Variants in TEX10 observed in about 807,000 individuals in gnomAD.
TEX10 encodes testis-expressed protein 10.
A neutral mutation model predicts 104.4 loss-of-function variants in TEX10; 24 were observed. The ratio of observed to expected loss-of-function variants is 0.23; its 90% confidence interval spans 0.17 to 0.32. TEX10 has a LOEUF of 0.32. TEX10 is among the 10% of genes least tolerant of loss of function. The pLI is 1.00. For synonymous variants in TEX10, 396 were observed against 393.4 expected (o/e 1.01, Z -0.08); for missense variants, 921 against 1,083.9 (o/e 0.85, Z 2.11).
chr9:100,308,460 A>G, intron 13 of TEX10, 40 bp downstream of exon 13: 1 of 1,521,716 alleles, frequency 6.6e-7, no homozygotes, highest in Non-Finnish European at 8.8e-7. Context: ...GGGAGGAGGA[A>G]CAGTAGGAAA....
rs569556958 is a variant in TEX10, at chr9:100,352,552, G to C, written c.-10+220C>G. On this transcript the variant is annotated intron_variant, in intron 1 of 14. Transcript: ENST00000374902. ...ACCCGAAACCAGGCGAACCCGCCCA[G>C]TCACCTGAAGCTCCGCAAACGCCCT... is the stretch of plus-strand genomic sequence containing the variant. The C allele has an allele frequency of 2.1e-4, 330 of 1,544,050 alleles. 4 individuals carry two copies. The South Asian group carries it at 3.8e-3, about 18-fold the overall frequency.
intron 5 of TEX10, among the ~76,000 whole-genome samples, chr9:100,333,655 AAC>A (rs1491587017): frequency 2.3e-4 from 32 of 139,424 alleles, no homozygotes; most frequent in African/African-American, 7.8e-4. Context: ...AAAAAAAAAA[AAC>A]CACAACAAAA....
chr9:100,351,400 C>A (rs1564224756), intron 1 of TEX10, among the ~76,000 whole-genome samples: 2 of 77,808 alleles, frequency 2.6e-5, no homozygotes, highest in African/African-American at 9.2e-5. Context: ...AGCTGGGGGT[C>A]GGTGGGTGGG....
chr9:100,334,277 A>AT (rs1313854373), intron 5 of TEX10, among the ~76,000 whole-genome samples: 1 of 152,158 alleles, frequency 6.6e-6, no homozygotes, highest in Non-Finnish European at 1.5e-5. Flanking sequence ...AAAAACACAG[A>AT]TAACTCTTAA....
In TEX10 at chr9:100,302,294, C is replaced by CTCT; in HGVS notation, c.2684_2686dup (p.Lys895dup). On this transcript the variant is annotated inframe_insertion, in exon 15 of 15. Coordinates refer to ENST00000374902, the MANE Select transcript of TEX10 (RefSeq NM_017746.4). ...GAGCCACTGTTCCTGAACACTTCCA[C>CTCT]TCTTCAATGTCTGGAGAGAAAAACA... is the stretch of plus-strand genomic sequence containing the variant. 1 of 1,611,770 alleles carries CTCT rather than the reference C, an allele frequency of 6.2e-7. No individual in the cohort carries two copies. Among genetic ancestry groups the CTCT allele is most frequent in the East Asian group, 2.2e-5 (1 of 44,836 alleles).
chr9:100,315,270 G>A (rs183376342), intron 11 of TEX10, among the ~76,000 whole-genome samples: 14 of 152,160 alleles, frequency 9.2e-5, no homozygotes, highest in Admixed American at 9.2e-4. Flanking sequence ...TGTCTGTAAG[G>A]TCCACTTAGT....
At chr9:100,314,097 T>C (rs1834352107) in intron 11 of TEX10, among the ~76,000 whole-genome samples, 1 of 150,598 alleles carries the variant, frequency 6.6e-6, no homozygotes, top group Non-Finnish European at 1.5e-5. Flanking sequence ...TTCTTTTTTT[T>C]TTTTTTTTGA....
At chr9:100,310,403 T>G (rs1014409912) in intron 11 of TEX10, 24 bp from the exon 12 acceptor site, 2 of 1,590,148 alleles carry the variant, frequency 1.3e-6, no homozygotes, top group African/African-American at 2.7e-5. Flanking sequence ...AGAAAACCAC[T>G]AACCAAATCA....
intron 5 of TEX10, among the ~76,000 whole-genome samples, chr9:100,337,374 T>A (rs1406568134): frequency 6.6e-6 from 1 of 152,218 alleles, no homozygotes; most frequent in African/African-American, 2.4e-5. Flanking sequence ...AACCACAATT[T>A]AATCACATTT....
chr9:100,318,515 T>C (rs1243483730), intron 11 of TEX10, among the ~76,000 whole-genome samples: 2 of 152,192 alleles, frequency 1.3e-5, no homozygotes, highest in Non-Finnish European at 2.9e-5. Flanking sequence ...ATGGGTACAG[T>C]GTACATTGTT....
At chr9:100,333,690 G>A (rs948966063) in intron 5 of TEX10, among the ~76,000 whole-genome samples, 2 of 144,594 alleles carry the variant, frequency 1.4e-5, no homozygotes, top group Non-Finnish European at 3.0e-5. Flanking sequence ...GCAAAACAAA[G>A]CTGGAAGACT....
At chr9:100,325,870 G>A (rs1232054171) in intron 9 of TEX10, among the ~76,000 whole-genome samples, 1 of 151,866 alleles carries the variant, frequency 6.6e-6, no homozygotes. Flanking sequence ...TTTATGTTAT[G>A]TTTATTATAC....
chr9:100,308,572 G>A lies in TEX10; in HGVS notation c.2393C>T (p.Ala798Val). The A allele has an allele frequency of 6.2e-7, 1 of 1,613,212 alleles. No individual in the cohort carries two copies. The highest frequency in any genetic ancestry group is 8.5e-7 in the Non-Finnish European group (1 of 1,179,468). The change falls in exon 13 of 15, where the codon GCT becomes GTT. Residue 798 changes from alanine to valine, a missense_variant. Around this residue, in one of 3 missense-constraint regions of TEX10, gnomAD observed 753 missense variants for 868.4 expected, o/e 0.87. Transcript: ENST00000374902. ...VVSETLLPFL[A>V]SCCYSLLYFL... ...ATAAAGAAGACTGTAGCAACAAGAA[G>A]CCAGAAATGGCAGTAGAGTCTCACT... is the stretch of plus-strand genomic sequence containing the variant.
rs1416176581 is a variant in TEX10, at chr9:100,336,229, G to A, written c.1250+4028C>T. 2.0e-5 allele frequency among the ~76,000 whole-genome samples: 3 copies of A among 152,158 alleles called. No individual in the cohort carries two copies. In the East Asian group the frequency reaches 5.8e-4, roughly 29 times the overall value. ...TACACTGGGGGTACCTGAATAAGAAGTGCAAACAACATTGTCCTAGATTAG... is the reference window on the plus strand; with the variant it reads ...TACACTGGGGGTACCTGAATAAGAAATGCAAACAACATTGTCCTAGATTAG... On this transcript the variant is annotated intron_variant, in intron 5 of 14. Transcript: ENST00000374902.
chr9:100,349,234 G>A lies in TEX10; in HGVS notation c.130C>T (p.Leu44Phe), dbSNP rs909445344. 4 of 1,588,786 alleles carry A rather than the reference G, an allele frequency of 2.5e-6. No individual in the cohort carries two copies. The Admixed American group carries it at 5.5e-5, about 22-fold the overall frequency. Residue 44 changes from leucine (L) to phenylalanine (F), a missense_variant, in exon 2 of 15, where the codon CTC becomes TTC. Leu to Phe is a conservative substitution (Grantham distance 22). This residue lies in a region of TEX10 where 118 missense variants were observed against 111.3 expected (regional missense o/e 1.06). Transcript: ENST00000374902. ...GTTGGAAGTGTTCCATCCTCTTTGA[G>A]TTGCTCAGGCAGATGTATAGTCTTT... ...KTKTIHLPEQ[L>F]KEDGTLPTNN...
chr9:100,309,284 T>G (rs2118832939), intron 12 of TEX10, among the ~76,000 whole-genome samples: 1 of 152,320 alleles, frequency 6.6e-6, no homozygotes, highest in African/African-American at 2.4e-5. Context: ...TCATCTAGAA[T>G]GTACTGTATG....
intron 5 of TEX10, among the ~76,000 whole-genome samples, chr9:100,334,163 A>G (rs1184244067): frequency 6.6e-6 from 1 of 152,166 alleles, no homozygotes; most frequent in Non-Finnish European, 1.5e-5. Flanking sequence ...TCAGATATCC[A>G]CTAAATCCCA....
At chr9:100,303,483 A>C in intron 14 of TEX10, 149 bp downstream of exon 14, 2 of 587,734 alleles carry the variant, frequency 3.4e-6, no homozygotes, top group Non-Finnish European at 6.3e-6. Context: ...ACAGCACGGG[A>C]GACCCTGAGA....
intron 1 of TEX10, chr9:100,352,321 T>C (rs1835474411): frequency 1.9e-6 from 3 of 1,546,638 alleles, no homozygotes; most frequent in East Asian, 4.9e-5. Flanking sequence ...TTCCGCTCGC[T>C]TAACTCTCCC....
Sources: allele counts gnomAD v4.1 joint callset (sites outside exome capture counted in the v4.1 genomes callset), GRCh38; gene constraint gnomAD v4.1.1; regional missense constraint gnomAD v4.1.1; transcripts MANE v1.5; gene names NCBI Gene and HGNC (gene_info 2026-07-23, HGNC 2026-07-21).